The following ANKRD62 variants were observed in gnomAD, a reference collection of about 807,000 sequenced individuals.
ANKRD62 encodes ankyrin repeat domain-containing protein 62.
A neutral mutation model predicts 98.8 loss-of-function variants in ANKRD62; 61 were observed. That is an observed-to-expected ratio of 0.62 (90% CI 0.50 to 0.76). The LOEUF is 0.76. Among genes scored for constraint, ANKRD62 ranks in the 30% least tolerant of loss-of-function variants. ANKRD62 has a pLI of 0.00. For synonymous variants in ANKRD62, 341 were observed against 367.9 expected (o/e 0.93, Z 0.84); for missense variants, 933 against 1,082.9 (o/e 0.86, Z 1.94).
At chr18:12,152,259 C>G in the ANKRD62 span, among the ~76,000 whole-genome samples, 1 of 151,080 alleles carries the variant, frequency 6.6e-6, no homozygotes, top group Non-Finnish European at 1.5e-5. Context: ...CTCCTGATAC[C>G]GAAACCTGCA....
At chr18:12,134,561 T>G (rs1344192839), downstream of ANKRD62, among the ~76,000 whole-genome samples, 1 of 152,144 alleles carries the variant, frequency 6.6e-6, no homozygotes, top group Non-Finnish European at 1.5e-5. Flanking sequence ...TGTGTGATGT[T>G]CCCCTTCCTG....
chr18:12,153,541 A>G, the ANKRD62 span, among the ~76,000 whole-genome samples: 3 of 150,798 alleles, frequency 2.0e-5, no homozygotes, highest in Non-Finnish European at 4.4e-5. Flanking sequence ...TCAGTGAGCC[A>G]GGATCACATC....
the ANKRD62 span, among the ~76,000 whole-genome samples, chr18:12,150,582 C>A: frequency 6.6e-6 from 1 of 152,180 alleles, no homozygotes; most frequent in East Asian, 1.9e-4. Context: ...AAGGGAACCC[C>A]ATCAGGCTAA....
chr18:12,161,252 C>T, the ANKRD62 span, among the ~76,000 whole-genome samples: 1 of 152,044 alleles, frequency 6.6e-6, no homozygotes, highest in East Asian at 1.9e-4. Context: ...AATAGGATTA[C>T]TTTTGCAAAT....
At chr18:12,174,644 C>A in the ANKRD62 span, among the ~76,000 whole-genome samples, 1 of 152,162 alleles carries the variant, frequency 6.6e-6, no homozygotes, top group Non-Finnish European at 1.5e-5. Flanking sequence ...TTCCTTCAAT[C>A]TTTGAGGTTG....
chr18:12,131,519 CT>C (rs200998080), downstream of ANKRD62, among the ~76,000 whole-genome samples: 1 of 151,858 alleles, frequency 6.6e-6, no homozygotes, highest in African/African-American at 2.4e-5. Context: ...GTGTGTATCC[CT>C]TTTTTTTCTG....
chr18:12,113,558 G>A (rs1003425290), intron 8 of ANKRD62, among the ~76,000 whole-genome samples: 138 of 152,280 alleles, frequency 9.1e-4, no homozygotes, highest in African/African-American at 3.1e-3. Flanking sequence ...CCTGGGAGGC[G>A]GAGGTTGCAG....
intron 6 of ANKRD62, chr18:12,102,355 A>G (rs1909319751): frequency 6.3e-6 from 4 of 637,780 alleles, no homozygotes; most frequent in Admixed American, 2.0e-5. Context: ...ATTCGGGGGT[A>G]GGTCGGTTCT....
At chr18:12,112,673 G>A (rs1381832768) in intron 8 of ANKRD62, among the ~76,000 whole-genome samples, 1 of 152,174 alleles carries the variant, frequency 6.6e-6, no homozygotes, top group Non-Finnish European at 1.5e-5. Flanking sequence ...TCATCATGAA[G>A]ATGCCAAAGC....
At chr18:12,114,506 G>A (rs1490393024) in intron 8 of ANKRD62, among the ~76,000 whole-genome samples, 1 of 152,156 alleles carries the variant, frequency 6.6e-6, no homozygotes, top group Admixed American at 6.5e-5. Context: ...ATGTGTTTGG[G>A]CAGGTTATGT....
chr18:12,120,547 C>T (rs1909762390), intron 10 of ANKRD62, among the ~76,000 whole-genome samples: 1 of 152,178 alleles, frequency 6.6e-6, no homozygotes, highest in Non-Finnish European at 1.5e-5. Flanking sequence ...TTCTTATAGA[C>T]AGCATGTAAT....
At chr18:12,137,684 T>C in the ANKRD62 span, among the ~76,000 whole-genome samples, 11 of 152,254 alleles carry the variant, frequency 7.2e-5, no homozygotes, top group African/African-American at 2.6e-4. Context: ...GTTCTGGACT[T>C]TTTTTGGTTG....
At chr18:12,120,481 G>A (rs1296153128) in intron 10 of ANKRD62, among the ~76,000 whole-genome samples, 4 of 152,130 alleles carry the variant, frequency 2.6e-5, no homozygotes, top group African/African-American at 7.2e-5. Flanking sequence ...TCAAGTGTTA[G>A]CACGTATCTT....
chr18:12,131,159 T>C (rs965814738), downstream of ANKRD62, among the ~76,000 whole-genome samples: 3 of 152,174 alleles, frequency 2.0e-5, no homozygotes, highest in Non-Finnish European at 4.4e-5. Context: ...CAAGTTAGTG[T>C]TGATCAACCC....
At chr18:12,146,635 G>A in the ANKRD62 span, among the ~76,000 whole-genome samples, 23 of 152,038 alleles carry the variant, frequency 1.5e-4, no homozygotes, top group African/African-American at 3.6e-4. Context: ...TAGTAGAGAC[G>A]GGTTCTCACC....
chr18:12,096,063 T>C (rs758615322), intron 3 of ANKRD62, 133 bp from the exon 4 acceptor site: 1 of 653,818 alleles, frequency 1.5e-6, no homozygotes, highest in Non-Finnish European at 2.6e-6. Context: ...CACAGTGGAG[T>C]GAGAAGGAAG....
chr18:12,125,996 G>A lies in ANKRD62; in HGVS notation c.2175G>A (p.Glu725=). ...AAACTGAGCTCCATTATGAAAGAGA[G>A]GCTCTCAAAGAAAAGACGTTGCATA... ...GLETELHYER[E]ALKEKTLHIE... is the part of the protein sequence containing the mutation. Residue 725 remains glutamate, a synonymous_variant, in exon 13 of 14, where the codon GAG becomes GAA. Transcript: ENST00000587848. 6.5e-7 allele frequency: 1 copy of A among 1,536,592 alleles called. No homozygotes were observed. Among genetic ancestry groups the A allele is most frequent in the Non-Finnish European group, 8.7e-7 (1 of 1,146,842 alleles).
intron 8 of ANKRD62, among the ~76,000 whole-genome samples, chr18:12,112,042 G>A (rs546683786): frequency 2.7e-5 from 4 of 150,196 alleles, no homozygotes; most frequent in African/African-American, 4.9e-5. Context: ...CCCAGGAGGC[G>A]GAGGTTGCAG....
At chr18:12,146,126 G>A in the ANKRD62 span, among the ~76,000 whole-genome samples, 2 of 151,822 alleles carry the variant, frequency 1.3e-5, no homozygotes, top group Non-Finnish European at 2.9e-5. Flanking sequence ...GCACAGCACA[G>A]CACAGCGCAG....
Sources: allele counts gnomAD v4.1 joint callset (sites outside exome capture counted in the v4.1 genomes callset), GRCh38; gene constraint gnomAD v4.1.1; transcripts MANE v1.5; gene names NCBI Gene and HGNC (gene_info 2026-07-23, HGNC 2026-07-21).